NTSR1: variants seen among roughly 807,000 people sequenced by gnomAD.
NTSR1 encodes the protein neurotensin receptor 1.
A neutral mutation model predicts 31.2 loss-of-function variants in NTSR1; 29 were observed. That is an observed-to-expected ratio of 0.93 (90% CI 0.69 to 1.27). The LOEUF (loss-of-function observed/expected upper bound fraction) is 1.27. NTSR1 is among the 50% of genes most tolerant of loss of function. The pLI is 0.00. For synonymous variants in NTSR1, 282 were observed against 269.9 expected (o/e 1.04, Z -0.44); for missense variants, 697 against 595.4 (o/e 1.17, Z -1.78).
chr20:62,759,680 C>T (rs1475571137), intron 3 of NTSR1, among the ~76,000 whole-genome samples: 3 of 150,642 alleles, frequency 2.0e-5, no homozygotes, highest in Non-Finnish European at 4.4e-5. Flanking sequence ...GAGGCTGAGG[C>T]AGGAGAATGG....
chr20:62,760,408 C>T lies in NTSR1; in HGVS notation c.*141C>T, dbSNP rs564538453. 6 of 778,200 alleles carry T rather than the reference C, an allele frequency of 7.7e-6. No individual in the cohort carries two copies. Among genetic ancestry groups the T allele is most frequent in the South Asian group, 5.8e-5 (3 of 52,062 alleles). The allele number at this position is 778,200 out of a possible 1,614,324, so 48.2% of individuals were successfully genotyped here. On this transcript the variant is annotated 3_prime_UTR_variant, in exon 4 of 4. Coordinates refer to ENST00000370501, the MANE Select transcript of NTSR1 (RefSeq NM_002531.3). ...CTGGAGTCTGAGGCCTGGGACCCCCCCCTCCCACCCCCTAACCCATGTTTC... is the reference window on the plus strand; with the variant it reads ...CTGGAGTCTGAGGCCTGGGACCCCCTCCTCCCACCCCCTAACCCATGTTTC...
chr20:62,750,690 CA>C (rs59850535), intron 1 of NTSR1, among the ~76,000 whole-genome samples: 6,582 of 54,940 alleles, frequency 0.12, 130 homozygotes, highest in African/African-American at 0.17. Context: ...GACTCCGTCT[CA>C]AAAAAAAAAA....
At chr20:62,713,431 G>A (rs928488605) in intron 1 of NTSR1, among the ~76,000 whole-genome samples, 1 of 152,186 alleles carries the variant, frequency 6.6e-6, no homozygotes, top group Non-Finnish European at 1.5e-5. Context: ...CACCCCAGCC[G>A]TTCAGGGCTG....
At position 62,754,773 on chromosome 20, in the gene NTSR1, G is replaced by T; in HGVS notation, c.803G>T (p.Arg268Leu). 6.2e-7 allele frequency: 1 copy of T among 1,612,206 alleles called. No homozygotes were observed. The highest frequency in any genetic ancestry group is 1.1e-5 in the South Asian group (1 of 91,078). ...GCCAACAAGCTGACCGTCATGGTACGCCAGGCGGCCGAGCAGGGCCAAGTG... is the reference window on the plus strand; with the variant it reads ...GCCAACAAGCTGACCGTCATGGTACTCCAGGCGGCCGAGCAGGGCCAAGTG... ...IIANKLTVMV[R>L]QAAEQGQVCT... is the part of the protein sequence containing the mutation. The change falls in exon 2 of 4, where the codon CGC becomes CTC. Residue 268 changes from arginine (R) to leucine (L), a missense_variant. Physicochemically the swap from Arg to Leu is moderately radical, Grantham distance 102 (BLOSUM62 -2). Transcript: ENST00000370501.
In NTSR1 at chr20:62,713,679, A is replaced by C. The variant is rs144214248; in HGVS notation, c.714+3758A>C. 5.7e-3 allele frequency among the ~76,000 whole-genome samples: 867 copies of C among 152,334 alleles called. 22 individuals are homozygous for C. The highest frequency in any genetic ancestry group is 0.045 in the Admixed American group (696 of 15,302). ...GGCCAAATGGAAGGAGAGCAAGCAG[A>C]CAGTGAATCAAGGGAGGAGACTGCT... On this transcript the variant is annotated intron_variant, in intron 1 of 3. Coordinates refer to ENST00000370501, the MANE Select transcript of NTSR1 (RefSeq NM_002531.3).
intron 1 of NTSR1, among the ~76,000 whole-genome samples, chr20:62,720,528 C>T (rs6010954): frequency 0.14 from 20,714 of 152,104 alleles, 1,495 homozygotes; most frequent in African/African-American, 0.15. Context: ...TGACTTCTCT[C>T]TTTTCTCCTT....
intron 1 of NTSR1, among the ~76,000 whole-genome samples, chr20:62,739,386 A>G (rs779241471): frequency 7.9e-5 from 12 of 152,214 alleles, no homozygotes; most frequent in Non-Finnish European, 1.5e-5. Flanking sequence ...CCCTGGAATC[A>G]CACAGAAGGG....
chr20:62,720,254 C>T (rs1173878663), intron 1 of NTSR1, among the ~76,000 whole-genome samples: 1 of 152,210 alleles, frequency 6.6e-6, no homozygotes, highest in East Asian at 1.9e-4. Flanking sequence ...GAACCGAGAT[C>T]ACGCCACTGC....
chr20:62,731,943 AC>A (rs1390248246), intron 1 of NTSR1, among the ~76,000 whole-genome samples: 1 of 151,876 alleles, frequency 6.6e-6, no homozygotes, highest in African/African-American at 2.4e-5. Flanking sequence ...ATATAGTGAA[AC>A]CCCCATCTCT....
chr20:62,709,235 ACCCCGG>A lies in NTSR1; in HGVS notation c.29_34del (p.Thr10_Gly12delinsSer). The A allele has an allele frequency of 6.7e-7, 1 of 1,496,026 alleles. No individual in the cohort carries two copies. The highest frequency in any genetic ancestry group is 8.8e-7 in the Non-Finnish European group (1 of 1,130,568). 92.7% of individuals were successfully genotyped at this position (1,496,026 alleles called of 1,614,324 possible). ...GCGCCTCAACAGCTCCGCGCCGGGA[ACCCCGG>A]GCACGCCGGCCGCCGACCCCTTCCA... is the stretch of plus-strand genomic sequence containing the variant. On this transcript the variant is annotated inframe_deletion, in exon 1 of 4. Transcript: ENST00000370501.
At chr20:62,749,113 C>G (rs1055938877) in intron 1 of NTSR1, among the ~76,000 whole-genome samples, 5 of 152,194 alleles carry the variant, frequency 3.3e-5, no homozygotes, top group African/African-American at 9.7e-5. Flanking sequence ...TCTCCTCAAA[C>G]AGTGATGGGA....
Position 62,744,796 on chromosome 20 carries a change from A to G in NTSR1, c.715-9889A>G, listed in dbSNP as rs58767164. ...TGCCGAGCTCACAGCTGGCCAGGGA[A>G]CAAGCCAGGCCCCCACTTCTGGCAC... is the stretch of plus-strand genomic sequence containing the variant. On this transcript the variant is annotated intron_variant, in intron 1 of 3. Transcript: ENST00000370501. This position sits in a 1 kb window ranked among gnomAD's most constrained non-coding sequence, Gnocchi z 4.1. Among the ~76,000 whole-genome samples, 8,732 of 152,002 alleles carry G rather than the reference A, an allele frequency of 0.057. 681 individuals carry two copies. The highest frequency in any genetic ancestry group is 0.32 in the East Asian group (1,669 of 5,156).
chr20:62,754,270 G>T (rs1433291255), intron 1 of NTSR1, among the ~76,000 whole-genome samples: 1 of 152,184 alleles, frequency 6.6e-6, no homozygotes, highest in Non-Finnish European at 1.5e-5. Flanking sequence ...CCCACAGGAC[G>T]GGCCTTGGGG....
intron 1 of NTSR1, among the ~76,000 whole-genome samples, chr20:62,724,058 A>G (rs967941982): frequency 2.6e-5 from 4 of 152,176 alleles, no homozygotes; most frequent in Non-Finnish European, 5.9e-5. Context: ...TGGCTGCCCA[A>G]ACGGCCCCAC....
At chr20:62,759,974 T>G (rs1192679585) in intron 3 of NTSR1, 44 bp from the exon 4 acceptor site, 1 of 1,601,636 alleles carries the variant, frequency 6.2e-7, no homozygotes, top group Admixed American at 1.7e-5. Flanking sequence ...CTTGGGGCCC[T>G]CAAGAGTTCT....
At position 62,754,810 on chromosome 20, in the gene NTSR1, G is replaced by A. The variant is rs1205560127; in HGVS notation, c.840G>A (p.Gly280=). ...AAEQGQVCTV[G]GEHSTFSMAI... is the part of the protein sequence containing the mutation. ...AGCAGGGCCAAGTGTGCACGGTCGG[G>A]GGCGAGCACAGCACATTCAGCATGG... is the stretch of plus-strand genomic sequence containing the variant. The change falls in exon 2 of 4, where the codon GGG becomes GGA. Residue 280 remains glycine (G), a synonymous_variant. Coordinates refer to ENST00000370501, the MANE Select transcript of NTSR1 (RefSeq NM_002531.3). 16 of 1,610,362 alleles carry A rather than the reference G, an allele frequency of 9.9e-6. No individual in the cohort carries two copies.
intron 1 of NTSR1, among the ~76,000 whole-genome samples, chr20:62,712,439 C>T (rs1400508883): frequency 6.6e-6 from 1 of 152,240 alleles, no homozygotes. Context: ...GGCCTGGGCA[C>T]TTGCAAACAG....
At chr20:62,739,482 G>A (rs989980485) in intron 1 of NTSR1, among the ~76,000 whole-genome samples, 7 of 152,262 alleles carry the variant, frequency 4.6e-5, no homozygotes, top group Admixed American at 1.3e-4. Context: ...AGCTGGGGAA[G>A]CAAGGAGAGC....
At chr20:62,748,898 T>G (rs6011122) in intron 1 of NTSR1, among the ~76,000 whole-genome samples, 2,785 of 152,254 alleles carry the variant, frequency 0.018, 79 homozygotes, top group African/African-American at 0.062. Flanking sequence ...CGATGCCCCA[T>G]GCCACGGCGG....
Sources: gnomAD v4.1 joint callset for allele counts (sites outside exome capture counted in the v4.1 genomes callset) on GRCh38, gnomAD v4.1.1 for gene constraint, Gnocchi (gnomAD v3.1) non-coding constraint, MANE v1.5 for transcripts, NCBI Gene and HGNC (gene_info 2026-07-23, HGNC 2026-07-21) for gene names.